The following PCDHGB3 variants were observed in gnomAD, a reference collection of about 807,000 sequenced individuals.
PCDHGB3 encodes protocadherin gamma subfamily B, 3.
PCDHGB3 carries 40 observed loss-of-function variants against 59.2 expected under a neutral mutation model. That is an observed-to-expected ratio of 0.68 (90% confidence interval 0.52 to 0.88). The LOEUF (loss-of-function observed/expected upper bound fraction) is 0.88, where lower values mean the gene tolerates loss of function less well. PCDHGB3 is among the 40% of genes least tolerant of loss of function. The pLI, the probability that PCDHGB3 is intolerant of heterozygous loss-of-function variation, is 0.00. For missense variants in PCDHGB3, 1,309 were observed against 1,187.9 expected (o/e 1.10, Z -1.50); for synonymous variants, 581 against 503.6 (o/e 1.15, Z -2.06).
At chr5:141,384,470 A>G in intron 1 of PCDHGB3, 1 of 1,614,120 alleles carries the variant, frequency 6.2e-7, no homozygotes, top group South Asian at 1.1e-5. Context: ...GATTATGAGC[A>G]GTTGAGAGAA....
At chr5:141,409,461 T>C in intron 1 of PCDHGB3, 1 of 1,613,928 alleles carries the variant, frequency 6.2e-7, no homozygotes, top group Non-Finnish European at 8.5e-7. Flanking sequence ...GAATACAATG[T>C]CACCATCGTA....
chr5:141,465,786 T>G (rs1236517595), intron 1 of PCDHGB3, among the ~76,000 whole-genome samples: 1 of 152,136 alleles, frequency 6.6e-6, no homozygotes, highest in Non-Finnish European at 1.5e-5. Flanking sequence ...ACAGTTTTTT[T>G]TTTTTTAAGA....
chr5:141,420,980 C>T (rs1463868271), intron 1 of PCDHGB3: 1 of 484,260 alleles, frequency 2.1e-6, no homozygotes, highest in Non-Finnish European at 3.6e-6. Flanking sequence ...AGAATGGGCT[C>T]TAGGCGCCGC....
At chr5:141,384,236 A>T in intron 1 of PCDHGB3, 1 of 1,613,886 alleles carries the variant, frequency 6.2e-7, no homozygotes, top group Non-Finnish European at 8.5e-7. Context: ...GCAGACACCA[A>T]CGATAACCCA....
chr5:141,393,126 A>C (rs1216742718), intron 1 of PCDHGB3: 1 of 1,613,316 alleles, frequency 6.2e-7, no homozygotes, highest in East Asian at 2.2e-5. Context: ...GTGTCTGATA[A>C]ATATTAACAC....
chr5:141,463,500 G>A (rs866521006), intron 1 of PCDHGB3, among the ~76,000 whole-genome samples: 30 of 139,838 alleles, frequency 2.1e-4, no homozygotes, highest in African/African-American at 7.0e-4. Context: ...CCAGGCTGGA[G>A]TGACGTGGCG....
intron 1 of PCDHGB3, chr5:141,389,444 C>T: frequency 6.2e-7 from 1 of 1,610,564 alleles, no homozygotes; most frequent in South Asian, 1.1e-5. Flanking sequence ...CCTTCGACCA[C>T]GAGCAGCTGC....
In PCDHGB3 at chr5:141,511,236, C is replaced by T; in HGVS notation, c.*63C>T. 4 of 1,591,606 alleles carry T rather than the reference C, an allele frequency of 2.5e-6. No individual in the cohort carries two copies. Among genetic ancestry groups the T allele is most frequent in the Admixed American group, 3.6e-5 (2 of 56,022 alleles). ...CCCAACCAGCCCAGCTTCTCCTTAC[C>T]TGCACCCAGGCCTCAGAGTTTCAGG... On this transcript the variant is annotated 3_prime_UTR_variant, in exon 4 of 4. Transcript: ENST00000576222.
chr5:141,432,090 A>T lies in PCDHGB3; in HGVS notation c.2415+59281A>T. 1 of 1,614,164 alleles carries T rather than the reference A, an allele frequency of 6.2e-7. No homozygotes were observed. Among genetic ancestry groups the T allele is most frequent in the Non-Finnish European group, 8.5e-7 (1 of 1,180,034 alleles). On this transcript the variant is annotated intron_variant, in intron 1 of 3. Transcript: ENST00000576222. The surrounding 1 kb of genome is among the most constrained non-coding windows in gnomAD (Gnocchi z 6.0). ...ACTCATATCTCGCTGAACGTGGCAG[A>T]CACCAACGACAACCCGCCGGTCTTC... is the stretch of plus-strand genomic sequence containing the variant.
intron 1 of PCDHGB3, chr5:141,399,982 A>C: frequency 6.2e-7 from 1 of 1,612,330 alleles, no homozygotes; most frequent in Non-Finnish European, 8.5e-7. Context: ...GGGGCTGCGC[A>C]CAGGAGAGGT....
chr5:141,494,556 T>C (rs909822734), intron 1 of PCDHGB3, among the ~76,000 whole-genome samples: 18 of 152,120 alleles, frequency 1.2e-4, no homozygotes, highest in African/African-American at 4.3e-4. Context: ...GCCATTTCTT[T>C]AGGAAAGGAG....
At position 141,511,271 on chromosome 5, in the gene PCDHGB3, C is replaced by T. The variant is rs371445452; in HGVS notation, c.*98C>T. ...GCCTCAGAGTTTCAGGGCTAACCCC[C>T]AGAATACTGGTAGGGGCCAAGGCCA... On this transcript the variant is annotated 3_prime_UTR_variant, in exon 4 of 4. Transcript: ENST00000576222. 9.1e-6 allele frequency: 14 copies of T among 1,544,094 alleles called. No individual in the cohort carries two copies. In the African/African-American group the frequency reaches 1.6e-4, roughly 18 times the overall value.
intron 1 of PCDHGB3, among the ~76,000 whole-genome samples, chr5:141,433,940 T>C (rs1315031506): frequency 6.6e-6 from 1 of 152,192 alleles, no homozygotes; most frequent in African/African-American, 2.4e-5. Flanking sequence ...TATAATTCCA[T>C]TGTTTCTTCT....
intron 1 of PCDHGB3, chr5:141,399,649 G>T: frequency 1.2e-6 from 2 of 1,613,794 alleles, no homozygotes; most frequent in African/African-American, 1.3e-5. Flanking sequence ...CGCGCAAAGT[G>T]GGGTGGTGTT....
chr5:141,397,510 C>T (rs979129643), intron 1 of PCDHGB3, among the ~76,000 whole-genome samples: 2 of 152,098 alleles, frequency 1.3e-5, no homozygotes, highest in African/African-American at 2.4e-5. Context: ...AAAATTGTTT[C>T]CATAGCTAAT....
Position 141,371,305 on chromosome 5 carries a change from T to A in PCDHGB3, c.911T>A (p.Ile304Asn). Reference sequence around the variant, plus strand: ...AGTAAAACGGGGGAACTCACCACTATTGGAGAACTGGACTTTGAAGAGAGA... The same window carrying A: ...AGTAAAACGGGGGAACTCACCACTAATGGAGAACTGGACTTTGAAGAGAGA... Reference protein sequence around the residue: ...LDSKTGELTTIGELDFEERDS... With the variant: ...LDSKTGELTTNGELDFEERDS... The change falls in exon 1 of 4, where the codon ATT (isoleucine) becomes AAT (asparagine). Residue 304 changes from isoleucine to asparagine, a missense_variant. Transcript: ENST00000576222. The A allele has an allele frequency of 6.2e-7, 1 of 1,613,940 alleles. No individual in the cohort carries two copies. Among genetic ancestry groups the A allele is most frequent in the Non-Finnish European group, 8.5e-7 (1 of 1,179,866 alleles).
At chr5:141,409,904 G>A in intron 1 of PCDHGB3, 3 of 1,613,278 alleles carry the variant, frequency 1.9e-6, no homozygotes, top group Non-Finnish European at 2.5e-6. Flanking sequence ...CCCAGCTCTG[G>A]GTCCTGACGG....
Position 141,486,814 on chromosome 5 carries a change from C to T in PCDHGB3, c.2416-7993C>T, listed in dbSNP as rs1048351154. On this transcript the variant is annotated intron_variant, in intron 1 of 3. Transcript: ENST00000576222. The surrounding 1 kb of genome is among the most constrained non-coding windows in gnomAD (Gnocchi z 5.0). ...ATCGGGGCAACCCACCCCTTAGCAG[C>T]ACTGTAACAGTTCGTCTATTTGTGC... 1.2e-6 allele frequency: 2 copies of T among 1,614,122 alleles called. No individual in the cohort carries two copies. Among genetic ancestry groups the T allele is most frequent in the Non-Finnish European group, 1.7e-6 (2 of 1,180,052 alleles).
At chr5:141,483,737 G>A (rs1052778197) in intron 1 of PCDHGB3, among the ~76,000 whole-genome samples, 4 of 152,102 alleles carry the variant, frequency 2.6e-5, no homozygotes, top group South Asian at 2.1e-4. Context: ...TAGTCAAAAG[G>A]ATATTCCTGA....
Sources: allele counts gnomAD v4.1 joint callset (sites outside exome capture counted in the v4.1 genomes callset), GRCh38; gene constraint gnomAD v4.1.1; non-coding constraint Gnocchi (gnomAD v3.1); transcripts MANE v1.5; gene names NCBI Gene and HGNC (gene_info 2026-07-23, HGNC 2026-07-21).